Variants in GRIK2 observed in about 807,000 individuals in gnomAD.
The protein encoded by GRIK2 is glutamate receptor ionotropic, kainate 2.
Under a neutral mutation model 100.3 loss-of-function variants are expected in GRIK2, and 32 were observed. The ratio of observed to expected loss-of-function variants is 0.32; its 90% CI spans 0.24 to 0.43. The LOEUF (loss-of-function observed/expected upper bound fraction) is 0.43, where lower values mean the gene tolerates loss of function less well. Ranked by LOEUF, GRIK2 falls within the 20% of genes least tolerant of loss-of-function variation. The probability of loss-of-function intolerance (pLI) is 1.00; values close to 1 mark genes in which losing one functional copy is unlikely to be tolerated. For synonymous variants in GRIK2, 417 were observed against 389.4 expected (o/e 1.07, Z -0.83); for missense variants, 843 against 1,114.9 (o/e 0.76, Z 3.47).
At chr6:101,689,221 C>T (rs528652877) in intron 7 of GRIK2, among the ~76,000 whole-genome samples, 2 of 151,820 alleles carry the variant, frequency 1.3e-5, no homozygotes, top group Admixed American at 1.3e-4. Context: ...GCAACATTCC[C>T]TTCAGTCAAT....
intron 2 of GRIK2, among the ~76,000 whole-genome samples, chr6:101,487,893 G>A (rs1249585437): frequency 2.1e-5 from 3 of 145,810 alleles, no homozygotes; most frequent in Non-Finnish European, 4.5e-5. Flanking sequence ...TTAACCCTGA[G>A]TAAATGTTAT....
At chr6:101,875,004 T>A in intron 11 of GRIK2, among the ~76,000 whole-genome samples, 1 of 152,052 alleles carries the variant, frequency 6.6e-6, no homozygotes, top group East Asian at 1.9e-4. Context: ...TGGGCTGAGA[T>A]GATGGGGTTT....
chr6:101,432,184 T>C (rs1769446240), intron 2 of GRIK2, among the ~76,000 whole-genome samples: 1 of 152,170 alleles, frequency 6.6e-6, no homozygotes. Context: ...TGCCTGCCTA[T>C]AATTTAATCA....
At chr6:101,766,196 T>C (rs1038020587) in intron 7 of GRIK2, among the ~76,000 whole-genome samples, 1 of 152,156 alleles carries the variant, frequency 6.6e-6, no homozygotes, top group South Asian at 2.1e-4. Context: ...CTTATGTTTA[T>C]AATAACTATT....
At chr6:101,642,798 T>C (rs1271030560) in intron 4 of GRIK2, among the ~76,000 whole-genome samples, 2 of 151,694 alleles carry the variant, frequency 1.3e-5, no homozygotes, top group African/African-American at 4.8e-5. Context: ...GTTGAACTTT[T>C]TGAGGAACCA....
intron 14 of GRIK2, among the ~76,000 whole-genome samples, chr6:101,939,383 T>C (rs1444530396): frequency 6.6e-6 from 1 of 152,084 alleles, no homozygotes. Context: ...ATTATCCTTA[T>C]TGTGAGGAGC....
At chr6:101,883,367 GAT>G (rs1315867712) in intron 11 of GRIK2, among the ~76,000 whole-genome samples, 4 of 151,300 alleles carry the variant, frequency 2.6e-5, no homozygotes, top group Admixed American at 1.3e-4. Flanking sequence ...GTGCAATAGT[GAT>G]AGTTTTATTC....
intron 2 of GRIK2, among the ~76,000 whole-genome samples, chr6:101,496,975 A>G (rs1430888398): frequency 6.6e-6 from 1 of 152,164 alleles, no homozygotes. Context: ...AATTAAAGTA[A>G]AAGATATACA....
At chr6:101,603,707 TTC>T (rs1278641063) in intron 2 of GRIK2, among the ~76,000 whole-genome samples, 1 of 151,730 alleles carries the variant, frequency 6.6e-6, no homozygotes, top group Non-Finnish European at 1.5e-5. Flanking sequence ...ATTCTTTGTA[TTC>T]TCTGTTTGAG....
chr6:101,473,582 C>T (rs1185900658), intron 2 of GRIK2, among the ~76,000 whole-genome samples: 1 of 151,848 alleles, frequency 6.6e-6, no homozygotes, highest in African/African-American at 2.4e-5. Flanking sequence ...ATTGAACTAA[C>T]TATTCCAATG....
chr6:102,035,282 G>C lies in GRIK2; in HGVS notation c.2086-59G>C, dbSNP rs191159039. 24 of 871,106 alleles carry C rather than the reference G, an allele frequency of 2.8e-5. No homozygotes were observed. In the East Asian group the frequency reaches 5.7e-4, roughly 21 times the overall value. 54.0% of individuals were successfully genotyped at this position (871,106 alleles called of 1,614,324 possible). On this transcript the variant is annotated intron_variant, in intron 14 of 16. Coordinates refer to ENST00000369134, the MANE Select transcript of GRIK2 (RefSeq NM_021956.5). ...AGTTCATTGTGTCTAAGCATTATAGGAGCACATGGAAACTAAAGAATAACT... is the reference window on the plus strand; with the variant it reads ...AGTTCATTGTGTCTAAGCATTATAGCAGCACATGGAAACTAAAGAATAACT...
At chr6:101,969,162 CTG>C (rs1792880709) in intron 14 of GRIK2, among the ~76,000 whole-genome samples, 1 of 151,812 alleles carries the variant, frequency 6.6e-6, no homozygotes, top group South Asian at 2.1e-4. Flanking sequence ...TAATTTATAA[CTG>C]TTGAAAAGAG....
chr6:101,996,790 C>T (rs575165095), intron 14 of GRIK2, among the ~76,000 whole-genome samples: 4 of 152,138 alleles, frequency 2.6e-5, no homozygotes, highest in East Asian at 1.9e-4. Flanking sequence ...AAGGCTTGGC[C>T]GTGGGTTTGT....
At position 101,557,281 on chromosome 6, in the gene GRIK2, ACTCT is replaced by A. The variant is rs577992032; in HGVS notation, c.116-64666_116-64663del. 3.2e-3 allele frequency among the ~76,000 whole-genome samples: 492 copies of A among 152,290 alleles called. 4 individuals carry two copies. The highest frequency in any genetic ancestry group is 0.011 in the African/African-American group (463 of 41,574). ...ACGAAAATAACAGGTGATAAATTTG[ACTCT>A]CAATCAGCGTAAGATCCTGAAGTTT... is the stretch of plus-strand genomic sequence containing the variant. On this transcript the variant is annotated intron_variant, in intron 2 of 16. Coordinates refer to ENST00000369134, the MANE Select transcript of GRIK2 (RefSeq NM_021956.5).
intron 7 of GRIK2, among the ~76,000 whole-genome samples, chr6:101,797,224 G>C (rs895112606): frequency 1.3e-5 from 2 of 151,768 alleles, no homozygotes; most frequent in Non-Finnish European, 2.9e-5. Flanking sequence ...CATACATTAC[G>C]TGTTAATCTT....
chr6:101,756,891 CACTT>C (rs1172085869), intron 7 of GRIK2, among the ~76,000 whole-genome samples: 1 of 152,038 alleles, frequency 6.6e-6, no homozygotes, highest in Non-Finnish European at 1.5e-5. Context: ...TTTGCTATTG[CACTT>C]ACTAAGAATT....
At chr6:101,974,564 G>A (rs1163832168) in intron 14 of GRIK2, among the ~76,000 whole-genome samples, 1 of 152,016 alleles carries the variant, frequency 6.6e-6, no homozygotes, top group Non-Finnish European at 1.5e-5. Flanking sequence ...AAGCCAGCAG[G>A]CTGGCAACTC....
chr6:101,468,563 C>G (rs1771781099), intron 2 of GRIK2, among the ~76,000 whole-genome samples: 1 of 151,974 alleles, frequency 6.6e-6, no homozygotes, highest in Non-Finnish European at 1.5e-5. Context: ...AGGCCAAGGA[C>G]TTGTAAAATG....
intron 7 of GRIK2, among the ~76,000 whole-genome samples, chr6:101,782,819 C>T (rs115140894): frequency 0.032 from 4,818 of 151,240 alleles, 140 homozygotes; most frequent in African/African-American, 0.077. Flanking sequence ...TTTACATTCC[C>T]AGTGATATGG....
Sources: allele counts gnomAD v4.1 joint callset (sites outside exome capture counted in the v4.1 genomes callset), GRCh38; gene constraint gnomAD v4.1.1; transcripts MANE v1.5; gene names NCBI Gene and HGNC (gene_info 2026-07-23, HGNC 2026-07-21).